ANKS6: variants seen among roughly 807,000 people sequenced by gnomAD.
ANKS6 encodes ankyrin repeat and sterile alpha motif domain containing 6, also known as ankyrin repeat and SAM domain-containing protein 6.
A neutral mutation model predicts 77.9 loss-of-function variants in ANKS6; 47 were observed. That is an observed-to-expected ratio of 0.60 (90% CI 0.48 to 0.77). The LOEUF (loss-of-function observed/expected upper bound fraction) is 0.77. Ranked by LOEUF, ANKS6 falls within the 30% of genes least tolerant of loss-of-function variation. The pLI is 0.00. For missense variants in ANKS6, 1,150 were observed against 1,159.1 expected, an observed-to-expected ratio of 0.99 and a Z score of 0.11; for synonymous variants, 488 against 501.7, an observed-to-expected ratio of 0.97 and a Z score of 0.37.
At chr9:98,792,378 T>C (rs574999052) in intron 1 of ANKS6, among the ~76,000 whole-genome samples, 3 of 152,308 alleles carry the variant, frequency 2.0e-5, no homozygotes, top group African/African-American at 4.8e-5. Flanking sequence ...GTCTCTCCTA[T>C]TCAGTGGCAG....
intron 9 of ANKS6, among the ~76,000 whole-genome samples, chr9:98,772,504 A>G (rs2118043996): frequency 6.6e-6 from 1 of 152,330 alleles, no homozygotes; most frequent in Middle Eastern, 3.4e-3. Context: ...TTGTTACAGC[A>G]GCCATAGGAC....
At chr9:98,782,325 G>A in intron 5 of ANKS6, 142 bp downstream of exon 5, 3 of 753,600 alleles carry the variant, frequency 4.0e-6, no homozygotes, top group Non-Finnish European at 6.5e-6. Context: ...AGATCATGCA[G>A]TAAGCTCCTG....
chr9:98,793,823 G>T (rs530107881), intron 1 of ANKS6, among the ~76,000 whole-genome samples: 70 of 148,176 alleles, frequency 4.7e-4, no homozygotes, highest in Middle Eastern at 3.4e-3. Flanking sequence ...GTGAGCCACC[G>T]CACCTGGCCA....
At position 98,780,252 on chromosome 9, in the gene ANKS6, G is replaced by C. The variant is rs1465068087; in HGVS notation, c.1305C>G (p.Pro435=). The change falls in exon 6 of 15, where the codon CCC becomes CCG. Residue 435 remains proline, a synonymous_variant. Transcript: ENST00000353234. ...TCCAGGGCTGTCGGACCTTCGAGTG[G>C]GGCAGGGGAGGCTGGTGGCTCGGCC... The part of the protein sequence containing the change: ...KGRPSHQPPL[P]HSKVRQPWSI... The C allele has an allele frequency of 6.2e-7, 1 of 1,613,912 alleles. No homozygotes were observed. Among genetic ancestry groups the C allele is most frequent in the Admixed American group, 1.7e-5 (1 of 59,990 alleles).
chr9:98,783,170 C>T (rs2118123035), intron 4 of ANKS6, among the ~76,000 whole-genome samples: 1 of 152,080 alleles, frequency 6.6e-6, no homozygotes, highest in African/African-American at 2.4e-5. Flanking sequence ...ACCAACAGCT[C>T]TGCCCAAAAA....
At chr9:98,795,857 T>A (rs541897348) in intron 1 of ANKS6, 6 of 302,718 alleles carry the variant, frequency 2.0e-5, no homozygotes, top group Non-Finnish European at 3.0e-5. Context: ...AAGAAATGAA[T>A]TAAATCTCTA....
In ANKS6 at chr9:98,784,145, A is replaced by T; in HGVS notation, c.920T>A (p.Leu307Gln). ...GTCTTCATCGGCAATCTCTTTGACCAGCTGGAAGTTTCCTGCAAACACAAG... is the reference window on the plus strand; with the variant it reads ...GTCTTCATCGGCAATCTCTTTGACCTGCTGGAAGTTTCCTGCAAACACAAG... ...FHALKMGNFQ[L>Q]VKEIADEDPS... is the part of the protein sequence containing the mutation. The change falls in exon 4 of 15, where the codon CTG (leucine) becomes CAG (glutamine). Residue 307 changes from leucine (L) to glutamine (Q), a missense_variant. Transcript: ENST00000353234. 2.0e-6 allele frequency: 3 copies of T among 1,528,714 alleles called. No individual in the cohort carries two copies. The highest frequency in any genetic ancestry group is 2.7e-6 in the Non-Finnish European group (3 of 1,130,828). 94.7% of individuals were successfully genotyped at this position (1,528,714 alleles called of 1,614,324 possible). A position where few individuals can be genotyped will look rare whatever the true frequency, so the allele number is the denominator to read the frequency against.
intron 8 of ANKS6, among the ~76,000 whole-genome samples, chr9:98,776,392 CA>C (rs1347565891): frequency 3.5e-4 from 38 of 109,920 alleles, no homozygotes; most frequent in African/African-American, 3.0e-4. Flanking sequence ...GAGTAGTTGC[CA>C]AAAACCCTTT....
intron 1 of ANKS6, among the ~76,000 whole-genome samples, chr9:98,793,829 G>A (rs1340088202): frequency 2.7e-5 from 4 of 150,440 alleles, no homozygotes; most frequent in Non-Finnish European, 4.4e-5. Flanking sequence ...CACCGCACCT[G>A]GCCAAAGGTT....
chr9:98,740,431 A>C (rs1831761152), intron 14 of ANKS6, among the ~76,000 whole-genome samples: 1 of 152,246 alleles, frequency 6.6e-6, no homozygotes, highest in Non-Finnish European at 1.5e-5. Flanking sequence ...CCAGGATCGC[A>C]GGCCCGCCCC....
chr9:98,775,512 A>T (rs941232940), intron 8 of ANKS6, among the ~76,000 whole-genome samples: 9 of 152,234 alleles, frequency 5.9e-5, no homozygotes, highest in Non-Finnish European at 1.3e-4. Flanking sequence ...AATTGGATTC[A>T]ACACAATATG....
rs1314933145 is a variant in ANKS6, at chr9:98,733,490, G to A, written c.*3029C>T. ...CGGTCCCCTGATGTCCCACTGCCAA[G>A]CAGGCCACCTCTGCAGAGCTGCTGG... On this transcript the variant is annotated 3_prime_UTR_variant, in exon 15 of 15. Coordinates refer to ENST00000353234, the MANE Select transcript of ANKS6 (RefSeq NM_173551.5). The A allele has an allele frequency of 5.1e-6, 5 of 985,400 alleles. No individual in the cohort carries two copies. Among genetic ancestry groups the A allele is most frequent in the East Asian group, 1.1e-4 (1 of 8,816 alleles). 61.0% of individuals were successfully genotyped at this position (985,400 alleles called of 1,614,324 possible). A position where few individuals can be genotyped will look rare whatever the true frequency, so the allele number is the denominator to read the frequency against.
At chr9:98,743,292 C>A (rs1831941549) in intron 14 of ANKS6, among the ~76,000 whole-genome samples, 1 of 151,368 alleles carries the variant, frequency 6.6e-6, no homozygotes, top group South Asian at 2.1e-4. Context: ...ATCACTCACC[C>A]ACCTCCCCTC....
chr9:98,748,461 T>C (rs1832261484), intron 13 of ANKS6, among the ~76,000 whole-genome samples: 1 of 152,232 alleles, frequency 6.6e-6, no homozygotes, highest in Admixed American at 6.5e-5. Context: ...TAAAACATAT[T>C]TCTTAGTTTC....
intron 5 of ANKS6, among the ~76,000 whole-genome samples, chr9:98,781,246 T>A (rs1218133961): frequency 6.6e-6 from 1 of 152,168 alleles, no homozygotes; most frequent in Non-Finnish European, 1.5e-5. Flanking sequence ...ATGAGTTTCT[T>A]CAAAAGTTTT....
At chr9:98,796,029 T>C in intron 1 of ANKS6, 104 bp downstream of exon 1, 2 of 1,123,178 alleles carry the variant, frequency 1.8e-6, no homozygotes, top group Non-Finnish European at 2.3e-6. Context: ...CTCTAAGGAG[T>C]CCTTAACTCT....
At chr9:98,776,164 G>A (rs1833907700) in intron 8 of ANKS6, among the ~76,000 whole-genome samples, 1 of 152,154 alleles carries the variant, frequency 6.6e-6, no homozygotes, top group African/African-American at 2.4e-5. Flanking sequence ...ACACCACGGA[G>A]CTTATTCTGG....
chr9:98,753,966 C>T (rs191445613), intron 12 of ANKS6, among the ~76,000 whole-genome samples: 99 of 152,300 alleles, frequency 6.5e-4, no homozygotes, highest in African/African-American at 1.9e-3. Flanking sequence ...ACTGAACAGT[C>T]GGCTCTGGCA....
chr9:98,736,735 G>A (rs964074043), intron 14 of ANKS6, 112 bp from the exon 15 acceptor site: 15 of 1,324,862 alleles, frequency 1.1e-5, no homozygotes, highest in Middle Eastern at 1.8e-4. Flanking sequence ...ACCCATGGGC[G>A]TCTTGGGGAA....
Sources: allele counts gnomAD v4.1 joint callset (sites outside exome capture counted in the v4.1 genomes callset), GRCh38; gene constraint gnomAD v4.1.1; transcripts MANE v1.5; gene names NCBI Gene and HGNC (gene_info 2026-07-23, HGNC 2026-07-21).